The following CNTNAP2 variants were observed in gnomAD, a reference collection of about 807,000 sequenced individuals.
The protein encoded by CNTNAP2 is contactin-associated protein-like 2.
CNTNAP2 carries 98 observed loss-of-function variants against 155.2 expected under a neutral mutation model. The ratio of observed to expected loss-of-function variants is 0.63; its 90% CI spans 0.54 to 0.75. The LOEUF is 0.75. CNTNAP2 is among the 30% of genes least tolerant of loss of function. The pLI is 0.00. For missense variants in CNTNAP2, 1,727 were observed against 1,688.1 expected (o/e 1.02, Z -0.40); for synonymous variants, 651 against 631.2 (o/e 1.03, Z -0.47).
At chr7:147,485,862 C>A in intron 10 of CNTNAP2, 73 bp from the exon 11 acceptor site, 1 of 1,421,620 alleles carries the variant, frequency 7.0e-7, no homozygotes, top group Non-Finnish European at 9.9e-7. Context: ...ATTGCCCAGA[C>A]AGCTTGGAAT....
At chr7:146,994,316 C>T (rs539301994) in intron 3 of CNTNAP2, among the ~76,000 whole-genome samples, 2 of 152,164 alleles carry the variant, frequency 1.3e-5, no homozygotes, top group African/African-American at 4.8e-5. Context: ...AAAGGAATTT[C>T]ATGAATTGTT....
intron 10 of CNTNAP2, among the ~76,000 whole-genome samples, chr7:147,424,936 A>G (rs574596326): frequency 6.6e-6 from 1 of 152,038 alleles, no homozygotes; most frequent in Non-Finnish European, 1.5e-5. Flanking sequence ...CCAGTCATTT[A>G]TCTTCATCTC....
At chr7:147,539,809 T>A (rs529232742) in intron 11 of CNTNAP2, among the ~76,000 whole-genome samples, 60 of 152,200 alleles carry the variant, frequency 3.9e-4, no homozygotes, top group Non-Finnish European at 5.4e-4. Context: ...TTAGGAATTG[T>A]TCATTCTTTC....
intron 3 of CNTNAP2, among the ~76,000 whole-genome samples, chr7:146,904,660 A>T (rs541867343): frequency 6.6e-6 from 1 of 152,096 alleles, no homozygotes; most frequent in South Asian, 2.1e-4. Flanking sequence ...TTTAGTAGAG[A>T]CGGGGTTTCA....
intron 13 of CNTNAP2, among the ~76,000 whole-genome samples, chr7:147,775,295 T>A (rs1445131975): frequency 5.6e-4 from 22 of 39,206 alleles, no homozygotes; most frequent in South Asian, 1.3e-3. Context: ...ATATATATAT[T>A]TATATATATT....
intron 10 of CNTNAP2, among the ~76,000 whole-genome samples, chr7:147,451,811 G>A (rs973150510): frequency 2.0e-5 from 3 of 149,956 alleles, no homozygotes; most frequent in Non-Finnish European, 4.4e-5. Context: ...GCCATTGTAA[G>A]AATATTAAAA....
chr7:147,971,780 A>G (rs1489119978), intron 14 of CNTNAP2, among the ~76,000 whole-genome samples: 1 of 152,224 alleles, frequency 6.6e-6, no homozygotes. Flanking sequence ...TTGTGTGAAC[A>G]TATGCTTTCA....
At position 148,260,661 on chromosome 7, in the gene CNTNAP2, G is replaced by A. The variant is rs117324736; in HGVS notation, c.3382-6372G>A. ...GCAACTCCAAGATGTAAGGAAATCCGTGCAGTTTCCTAGTGGCCCCCTAGG... is the reference window on the plus strand; with the variant it reads ...GCAACTCCAAGATGTAAGGAAATCCATGCAGTTTCCTAGTGGCCCCCTAGG... On this transcript the variant is annotated intron_variant, in intron 20 of 23. Transcript: ENST00000361727. Among the ~76,000 whole-genome samples, 10 of 152,312 alleles carry A rather than the reference G, an allele frequency of 6.6e-5. No individual in the cohort carries two copies. In the East Asian group the frequency reaches 1.7e-3, roughly 26 times the overall value.
chr7:146,790,889 T>C (rs1475530352), intron 2 of CNTNAP2, among the ~76,000 whole-genome samples: 2 of 151,474 alleles, frequency 1.3e-5, no homozygotes, highest in Admixed American at 6.6e-5. Flanking sequence ...GTGATTTCTA[T>C]GCAGGGGCCT....
At chr7:146,940,347 C>A (rs1188328110) in intron 3 of CNTNAP2, among the ~76,000 whole-genome samples, 1 of 152,016 alleles carries the variant, frequency 6.6e-6, no homozygotes, top group Non-Finnish European at 1.5e-5. Context: ...CAGTCGCCCG[C>A]CACCACGTCC....
At chr7:146,280,215 C>T (rs1298962868) in intron 1 of CNTNAP2, among the ~76,000 whole-genome samples, 1 of 152,070 alleles carries the variant, frequency 6.6e-6, no homozygotes, top group African/African-American at 2.4e-5. Context: ...TAAAATATGA[C>T]ATATGCAAAA....
At chr7:146,422,130 GT>G (rs538284671) in intron 1 of CNTNAP2, among the ~76,000 whole-genome samples, 91 of 149,148 alleles carry the variant, frequency 6.1e-4, no homozygotes, top group African/African-American at 2.1e-3. Context: ...GGATACAAAT[GT>G]TTTTTTTTAC....
intron 9 of CNTNAP2, among the ~76,000 whole-genome samples, chr7:147,369,388 C>T (rs987742273): frequency 2.0e-5 from 3 of 152,196 alleles, no homozygotes; most frequent in African/African-American, 4.8e-5. Context: ...ACCATGAACA[C>T]AGTCACCAAA....
chr7:146,749,495 G>C (rs980924908), intron 1 of CNTNAP2, among the ~76,000 whole-genome samples: 1 of 152,066 alleles, frequency 6.6e-6, no homozygotes, highest in Non-Finnish European at 1.5e-5. Context: ...TTAATCATCA[G>C]AGTCAATGAT....
At chr7:148,351,991 G>A (rs373402424) in intron 21 of CNTNAP2, among the ~76,000 whole-genome samples, 21 of 152,230 alleles carry the variant, frequency 1.4e-4, no homozygotes, top group African/African-American at 5.1e-4. Context: ...GAAGGGGAGA[G>A]GGGAAGAGAC....
chr7:147,245,980 C>T (rs1332144790), intron 8 of CNTNAP2, among the ~76,000 whole-genome samples: 1 of 147,688 alleles, frequency 6.8e-6, no homozygotes, highest in Non-Finnish European at 1.5e-5. Flanking sequence ...TTTACATATA[C>T]ACATATTTAC....
chr7:146,798,930 G>T (rs1802819631), intron 2 of CNTNAP2, among the ~76,000 whole-genome samples: 1 of 151,452 alleles, frequency 6.6e-6, no homozygotes, highest in Admixed American at 6.6e-5. Flanking sequence ...AAATATTTTT[G>T]AGTACATTAT....
intron 8 of CNTNAP2, among the ~76,000 whole-genome samples, chr7:147,174,949 T>C (rs1802307484): frequency 1.3e-5 from 2 of 152,102 alleles, no homozygotes; most frequent in South Asian, 2.1e-4. Flanking sequence ...GAAATTCAAG[T>C]TGAAATACTA....
intron 13 of CNTNAP2, among the ~76,000 whole-genome samples, chr7:147,711,925 C>CT (rs1796405630): frequency 6.6e-6 from 1 of 152,114 alleles, no homozygotes; most frequent in African/African-American, 2.4e-5. Flanking sequence ...CATTCAAGAA[C>CT]TTATTATAAT....
Sources: gnomAD v4.1 joint callset for allele counts (sites outside exome capture counted in the v4.1 genomes callset) on GRCh38, gnomAD v4.1.1 for gene constraint, MANE v1.5 for transcripts, NCBI Gene and HGNC (gene_info 2026-07-23, HGNC 2026-07-21) for gene names.